Variants in LOXL4 observed in about 807,000 individuals in gnomAD.
The protein encoded by LOXL4 is lysyl oxidase homolog 4.
In LOXL4, 72 loss-of-function variants were observed where a neutral mutation model predicts 89.1. That is an observed-to-expected ratio of 0.81 (90% confidence interval 0.67 to 0.98). The LOEUF (loss-of-function observed/expected upper bound fraction) is 0.98, where lower values mean the gene tolerates loss of function less well. LOXL4 is among the 50% of genes least tolerant of loss of function. The pLI, the probability that LOXL4 is intolerant of heterozygous loss-of-function variation, is 0.00. For synonymous variants in LOXL4, 355 were observed against 392.1 expected (o/e 0.91, Z 1.12); for missense variants, 984 against 1,017.5 (o/e 0.97, Z 0.45).
chr10:98,252,393 G>A lies in LOXL4; in HGVS notation c.1911C>T (p.His637=). Residue 637 remains histidine, a synonymous_variant, in exon 12 of 15, where the codon CAC becomes CAT. Transcript: ENST00000260702. ...TLNGSKVAEG[H]KASFCLEDTN... Reference sequence around the variant, plus strand: ...TGTCCTCCAGACAGAAGCTGGCCTTGTGCCCCTCAGCCACCTTGGAGCCAT... The same window carrying A: ...TGTCCTCCAGACAGAAGCTGGCCTTATGCCCCTCAGCCACCTTGGAGCCAT... The A allele has an allele frequency of 6.2e-7, 1 of 1,614,154 alleles. No individual in the cohort carries two copies. Among genetic ancestry groups the A allele is most frequent in the Non-Finnish European group, 8.5e-7 (1 of 1,180,008 alleles).
chr10:98,258,609 A>G (rs1858449738), intron 6 of LOXL4, among the ~76,000 whole-genome samples: 1 of 150,994 alleles, frequency 6.6e-6, no homozygotes, highest in South Asian at 2.1e-4. Context: ...GTACCACCTC[A>G]CGGCATCTGT....
intron 9 of LOXL4, chr10:98,256,390 T>A: frequency 4.0e-6 from 1 of 252,274 alleles, no homozygotes; most frequent in Non-Finnish European, 7.5e-6. Flanking sequence ...CTTTGAGTGA[T>A]CTTGCCCCTG....
In LOXL4 at chr10:98,256,948, C is replaced by T. The variant is rs1193827523; in HGVS notation, c.1261-1G>A. The T allele has an allele frequency of 1.2e-6, 2 of 1,613,770 alleles. No homozygotes were observed. The highest frequency in any genetic ancestry group is 1.7e-5 in the Admixed American group (1 of 59,992). ...GGATACGCCCACCAGCCAAGCGCAC[C>T]TGCAATGGCGAGGGGTGTGTGAGGA... On this transcript the variant is annotated splice_acceptor_variant, in intron 8 of 14. Coordinates refer to ENST00000260702, the MANE Select transcript of LOXL4 (RefSeq NM_032211.7). LOFTEE classifies it high-confidence loss of function.
chr10:98,255,791 T>C (rs755732555), intron 9 of LOXL4, 52 bp from the exon 10 acceptor site: 3 of 1,579,146 alleles, frequency 1.9e-6, no homozygotes, highest in South Asian at 2.3e-5. Context: ...AGTCACCTCC[T>C]GACTCCCATC....
intron 11 of LOXL4, among the ~76,000 whole-genome samples, chr10:98,252,808 C>G (rs570283582): frequency 1.3e-5 from 2 of 152,320 alleles, no homozygotes; most frequent in South Asian, 4.1e-4. Context: ...AGCCTAGGAG[C>G]TGACCTGCTG....
In LOXL4 at chr10:98,259,374, A is replaced by C. The variant is rs745456222; in HGVS notation, c.701+17T>G. 1.9e-6 allele frequency: 3 copies of C among 1,612,586 alleles called. No homozygotes were observed. In the East Asian group the frequency reaches 6.7e-5, roughly 36 times the overall value. ...CCACACCCCTTTGCCTCCTCCCTCT[A>C]GGGTGCTGCTCCTCACCTAGACTTA... On this transcript the variant is annotated intron_variant, in intron 5 of 14. Coordinates refer to ENST00000260702, the MANE Select transcript of LOXL4 (RefSeq NM_032211.7).
intron 1 of LOXL4, among the ~76,000 whole-genome samples, chr10:98,267,054 A>G (rs1858702196): frequency 6.6e-6 from 1 of 152,102 alleles, no homozygotes; most frequent in African/African-American, 2.4e-5. Context: ...GAGGATAATA[A>G]CTATACATTT....
chr10:98,256,747 A>T (rs766017871), intron 9 of LOXL4, 33 bp downstream of exon 9: 41 of 1,612,932 alleles, frequency 2.5e-5, no homozygotes, highest in Non-Finnish European at 3.4e-5. Context: ...GGAGGGTGAG[A>T]GGTCATACGG....
At chr10:98,258,978 G>C (rs1858460656) in intron 6 of LOXL4, 31 bp downstream of exon 6, 7 of 1,491,082 alleles carry the variant, frequency 4.7e-6, no homozygotes, top group Non-Finnish European at 6.3e-6. Flanking sequence ...CCTCCAAGCT[G>C]TGGTGTGAGT....
At chr10:98,267,100 G>A (rs1416099036) in intron 1 of LOXL4, among the ~76,000 whole-genome samples, 1 of 152,192 alleles carries the variant, frequency 6.6e-6, no homozygotes, top group Admixed American at 6.5e-5. Flanking sequence ...CCATTTTACA[G>A]ATGAGAAGGT....
rs138292765 is a variant in LOXL4, at chr10:98,258,965, G to A, written c.921+44C>T. ...CCCCCCACCAGGCAGTGTCCCGCCC[G>A]TGCCTCCAAGCTGTGGTGTGAGTGC... On this transcript the variant is annotated intron_variant, in intron 6 of 14. Coordinates refer to ENST00000260702, the MANE Select transcript of LOXL4 (RefSeq NM_032211.7). The A allele has an allele frequency of 5.2e-4, 747 of 1,448,004 alleles. 6 individuals are homozygous for A. In the South Asian group the frequency reaches 7.3e-3, roughly 14 times the overall value. 89.7% of individuals were successfully genotyped at this position (1,448,004 alleles called of 1,614,324 possible). A position where few individuals can be genotyped will look rare whatever the true frequency, so the allele number is the denominator to read the frequency against.
At chr10:98,263,995 T>G (rs946972094) in intron 1 of LOXL4, among the ~76,000 whole-genome samples, 1 of 151,986 alleles carries the variant, frequency 6.6e-6, no homozygotes, top group Non-Finnish European at 1.5e-5. Context: ...CCTCCCAAAG[T>G]GCTGGGATTA....
intron 1 of LOXL4, among the ~76,000 whole-genome samples, chr10:98,266,550 C>T (rs1723698365): frequency 6.6e-6 from 1 of 152,148 alleles, no homozygotes; most frequent in African/African-American, 2.4e-5. Flanking sequence ...CTGTAGGACC[C>T]TGGGGTCTGG....
At chr10:98,251,959 T>C in intron 12 of LOXL4, 1 of 532,908 alleles carries the variant, frequency 1.9e-6, no homozygotes, top group Non-Finnish European at 3.3e-6. Context: ...CTAATTTACT[T>C]GTGCATCCGC....
At chr10:98,262,608 G>A (rs896679339) in intron 2 of LOXL4, 135 bp downstream of exon 2, 34 of 1,118,736 alleles carry the variant, frequency 3.0e-5, no homozygotes, top group Non-Finnish European at 4.2e-5. Context: ...ATGTGCAGCT[G>A]AGGCACTCAG....
At chr10:98,263,885 C>T (rs1249208398) in intron 1 of LOXL4, among the ~76,000 whole-genome samples, 2 of 152,004 alleles carry the variant, frequency 1.3e-5, no homozygotes, top group Non-Finnish European at 2.9e-5. Context: ...CGCCCACCAC[C>T]ACGCCCAGCT....
intron 14 of LOXL4, 41 bp downstream of exon 14, chr10:98,251,024 T>G: frequency 8.3e-6 from 12 of 1,440,370 alleles, no homozygotes; most frequent in Non-Finnish European, 9.8e-6. Flanking sequence ...TCCAGCTCCC[T>G]GAGCCTATAG....
chr10:98,250,071 A>G (rs1313081683), intron 14 of LOXL4, among the ~76,000 whole-genome samples: 1 of 152,190 alleles, frequency 6.6e-6, no homozygotes, highest in Non-Finnish European at 1.5e-5. Context: ...TGAAGTATAC[A>G]GCCCCATTTT....
At chr10:98,259,547 T>C in intron 4 of LOXL4, 118 bp from the exon 5 acceptor site, 1 of 879,842 alleles carries the variant, frequency 1.1e-6, no homozygotes, top group Non-Finnish European at 1.9e-6. Context: ...GTAAACTTAT[T>C]CACTAATCTG....
Sources: allele counts gnomAD v4.1 joint callset (sites outside exome capture counted in the v4.1 genomes callset), GRCh38; gene constraint gnomAD v4.1.1; transcripts MANE v1.5; gene names NCBI Gene and HGNC (gene_info 2026-07-23, HGNC 2026-07-21).